The following LRRTM4 variants were observed in gnomAD, a reference collection of about 807,000 sequenced individuals.
LRRTM4 encodes leucine rich repeat transmembrane neuronal 4.
Under a neutral mutation model 47.6 loss-of-function variants are expected in LRRTM4, and 25 were observed. That is an observed-to-expected ratio of 0.53 (90% confidence interval 0.38 to 0.73). The LOEUF (loss-of-function observed/expected upper bound fraction) is 0.73. Among genes scored for constraint, LRRTM4 ranks in the 30% least tolerant of loss-of-function variants. LRRTM4 has a pLI of 0.00. For missense variants in LRRTM4, 638 were observed against 713.4 expected, an observed-to-expected ratio of 0.89 and a Z score of 1.20; for synonymous variants, 311 against 269.5, an observed-to-expected ratio of 1.15 and a Z score of -1.51.
chr2:77,078,568 T>C (rs907791985), intron 3 of LRRTM4, among the ~76,000 whole-genome samples: 1 of 152,176 alleles, frequency 6.6e-6, no homozygotes, highest in Non-Finnish European at 1.5e-5. Context: ...AGAAAGCCTT[T>C]TGTATGGATA....
chr2:76,984,448 C>A (rs1423906673), intron 3 of LRRTM4, among the ~76,000 whole-genome samples: 1 of 151,850 alleles, frequency 6.6e-6, no homozygotes. Flanking sequence ...GTTCTACATC[C>A]AAAATTCCCT....
At chr2:77,170,706 C>T (rs567047543) in intron 3 of LRRTM4, among the ~76,000 whole-genome samples, 3 of 152,050 alleles carry the variant, frequency 2.0e-5, no homozygotes, top group East Asian at 1.9e-4. Flanking sequence ...GGTTTTGGAG[C>T]CAAGCAGGTA....
intron 3 of LRRTM4, among the ~76,000 whole-genome samples, chr2:77,387,717 T>G (rs571763592): frequency 1.3e-5 from 2 of 152,170 alleles, no homozygotes; most frequent in Non-Finnish European, 2.9e-5. Flanking sequence ...CCTTCACAGT[T>G]CTTGACAAGG....
intron 3 of LRRTM4, among the ~76,000 whole-genome samples, chr2:77,059,623 C>A (rs1679720761): frequency 6.6e-6 from 1 of 152,084 alleles, no homozygotes; most frequent in Non-Finnish European, 1.5e-5. Context: ...ATTCCTTAAA[C>A]CTGAACAACA....
At chr2:77,128,685 GC>G (rs1323878416) in intron 3 of LRRTM4, among the ~76,000 whole-genome samples, 26 of 152,248 alleles carry the variant, frequency 1.7e-4, no homozygotes, top group African/African-American at 6.0e-4. Context: ...CAGGCTGGAG[GC>G]TGGAGTGCAA....
chr2:77,107,621 C>G (rs1364801112), intron 3 of LRRTM4, among the ~76,000 whole-genome samples: 1 of 151,956 alleles, frequency 6.6e-6, no homozygotes, highest in African/African-American at 2.4e-5. Flanking sequence ...GAGTTCGAGA[C>G]CAGCCTAACC....
chr2:76,780,830 G>T (rs183905772), intron 3 of LRRTM4, among the ~76,000 whole-genome samples: 1 of 147,950 alleles, frequency 6.8e-6, no homozygotes, highest in African/African-American at 2.5e-5. Context: ...AGGAGGAGAG[G>T]TGCTCTGCTT....
intron 3 of LRRTM4, among the ~76,000 whole-genome samples, chr2:76,838,152 C>T (rs1671572156): frequency 6.6e-6 from 1 of 151,552 alleles, no homozygotes. Flanking sequence ...ACTATTAGTA[C>T]TATTTATATA....
At chr2:76,816,532 C>T (rs193202154) in intron 3 of LRRTM4, among the ~76,000 whole-genome samples, 1 of 152,148 alleles carries the variant, frequency 6.6e-6, no homozygotes, top group East Asian at 1.9e-4. Flanking sequence ...AGAAGTGGAA[C>T]ATGGAATCTG....
intron 3 of LRRTM4, among the ~76,000 whole-genome samples, chr2:76,908,042 A>G (rs1673912063): frequency 6.6e-6 from 1 of 152,070 alleles, no homozygotes; most frequent in South Asian, 2.1e-4. Context: ...CACAGCCAAA[A>G]AACAGAATTT....
intron 3 of LRRTM4, among the ~76,000 whole-genome samples, chr2:77,217,086 A>G (rs1573090561): frequency 2.0e-5 from 3 of 147,026 alleles, no homozygotes; most frequent in South Asian, 2.2e-4. Context: ...AAAAAAAAAA[A>G]GGGAGGGCAC....
At chr2:77,126,476 C>T (rs983006815) in intron 3 of LRRTM4, among the ~76,000 whole-genome samples, 1 of 152,030 alleles carries the variant, frequency 6.6e-6, no homozygotes, top group Non-Finnish European at 1.5e-5. Context: ...ATATTTCACC[C>T]TGTGCAATGA....
chr2:77,326,589 T>G (rs1670784686), intron 3 of LRRTM4, among the ~76,000 whole-genome samples: 2 of 151,840 alleles, frequency 1.3e-5, no homozygotes, highest in East Asian at 3.9e-4. Flanking sequence ...AGAGACAGGG[T>G]CTCTCTATTT....
At chr2:77,010,632 G>A (rs1289594393) in intron 3 of LRRTM4, among the ~76,000 whole-genome samples, 1 of 151,842 alleles carries the variant, frequency 6.6e-6, no homozygotes, top group Admixed American at 6.6e-5. Flanking sequence ...ACATGGGAAT[G>A]AAGATATCTC....
intron 3 of LRRTM4, among the ~76,000 whole-genome samples, chr2:77,328,678 G>C (rs1276766643): frequency 6.6e-6 from 1 of 152,154 alleles, no homozygotes; most frequent in Non-Finnish European, 1.5e-5. Context: ...AGTGCAGTGA[G>C]CTACGATCTA....
intron 3 of LRRTM4, among the ~76,000 whole-genome samples, chr2:76,922,433 C>A (rs1558740149): frequency 3.9e-5 from 6 of 151,980 alleles, no homozygotes. Context: ...TATGAGAACT[C>A]ACTTACTGTC....
chr2:76,771,603 G>C (rs1175449003), intron 3 of LRRTM4, among the ~76,000 whole-genome samples: 1 of 143,716 alleles, frequency 7.0e-6, no homozygotes, highest in South Asian at 2.2e-4. Context: ...GCAGCAAGAA[G>C]ACTGCGTGCT....
chr2:76,771,565 C>T (rs995545898), intron 3 of LRRTM4, among the ~76,000 whole-genome samples: 9 of 150,476 alleles, frequency 6.0e-5, no homozygotes, highest in South Asian at 2.1e-4. Flanking sequence ...GCCTTTGCTT[C>T]GGGCTTTGGC....
intron 3 of LRRTM4, among the ~76,000 whole-genome samples, chr2:76,910,969 G>T (rs891215993): frequency 6.6e-6 from 1 of 152,200 alleles, no homozygotes; most frequent in African/African-American, 2.4e-5. Context: ...TCTTTACTCA[G>T]AAGATGTGGA....
Sources: allele counts gnomAD v4.1 joint callset (sites outside exome capture counted in the v4.1 genomes callset), GRCh38; gene constraint gnomAD v4.1.1; transcripts MANE v1.5; gene names NCBI Gene and HGNC (gene_info 2026-07-23, HGNC 2026-07-21).